ERC2: variants seen among roughly 807,000 people sequenced by gnomAD.
The protein encoded by ERC2 is ERC protein 2.
Under a neutral mutation model 114.8 loss-of-function variants are expected in ERC2, and 42 were observed. The observed-to-expected ratio is 0.37, with a 90% CI of 0.29 to 0.47. The LOEUF is 0.47. ERC2 is among the 20% of genes least tolerant of loss of function. ERC2 has a pLI of 0.99. For missense variants in ERC2, 939 were observed against 1,150.7 expected, an observed-to-expected ratio of 0.82 and a Z score of 2.66; for synonymous variants, 454 against 425.5, an observed-to-expected ratio of 1.07 and a Z score of -0.82.
intron 3 of ERC2, among the ~76,000 whole-genome samples, chr3:56,223,097 C>T (rs2150154726): frequency 6.6e-6 from 1 of 152,344 alleles, no homozygotes; most frequent in South Asian, 2.1e-4. Context: ...AACCACTTCC[C>T]TCCCAAAAAC....
At chr3:55,868,906 C>A (rs775812982) in intron 14 of ERC2, among the ~76,000 whole-genome samples, 25 of 152,272 alleles carry the variant, frequency 1.6e-4, no homozygotes, top group Admixed American at 8.5e-4. Flanking sequence ...AAGCTTAACT[C>A]CAAGCTGGAG....
At chr3:55,552,135 G>A (rs951632239) in intron 17 of ERC2, among the ~76,000 whole-genome samples, 6 of 152,202 alleles carry the variant, frequency 3.9e-5, no homozygotes, top group African/African-American at 1.4e-4. Flanking sequence ...CAGAGAGGAG[G>A]CTTCCTGATG....
At chr3:55,513,447 A>G (rs2052247256) in intron 17 of ERC2, among the ~76,000 whole-genome samples, 1 of 151,996 alleles carries the variant, frequency 6.6e-6, no homozygotes, top group South Asian at 2.1e-4. Context: ...CCAGCTCTTT[A>G]TCTGATCGAT....
intron 17 of ERC2, among the ~76,000 whole-genome samples, chr3:55,542,025 A>T (rs1271294746): frequency 6.6e-6 from 1 of 152,194 alleles, no homozygotes; most frequent in Non-Finnish European, 1.5e-5. Context: ...CTTCATAGTA[A>T]TTCTGCAGAG....
intron 14 of ERC2, among the ~76,000 whole-genome samples, chr3:55,854,063 T>C (rs1202986786): frequency 6.6e-6 from 1 of 152,062 alleles, no homozygotes; most frequent in African/African-American, 2.4e-5. Context: ...TCACCTGAGG[T>C]AAGGAGTTTG....
intron 1 of ERC2, among the ~76,000 whole-genome samples, chr3:56,446,914 A>T (rs976689749): frequency 7.0e-4 from 106 of 152,084 alleles, no homozygotes; most frequent in Non-Finnish European, 2.5e-4. Context: ...GGCGTGAGCC[A>T]CCACACCCGG....
At chr3:56,297,523 A>T (rs1434949344) in intron 2 of ERC2, among the ~76,000 whole-genome samples, 2 of 152,224 alleles carry the variant, frequency 1.3e-5, no homozygotes, top group African/African-American at 4.8e-5. Context: ...AAGATAGTTG[A>T]TGAATTTGGC....
chr3:55,729,765 G>A (rs1397182031), intron 15 of ERC2, among the ~76,000 whole-genome samples: 2 of 139,758 alleles, frequency 1.4e-5, no homozygotes, highest in Non-Finnish European at 3.0e-5. Context: ...TAGAGCCCAG[G>A]AGTTGGAGCT....
intron 17 of ERC2, among the ~76,000 whole-genome samples, chr3:55,540,660 C>A (rs748522964): frequency 6.6e-6 from 1 of 152,182 alleles, no homozygotes; most frequent in Non-Finnish European, 1.5e-5. Context: ...CCAGCTTTAA[C>A]GTTCTTTATC....
At chr3:56,257,939 T>G (rs2052630445) in intron 3 of ERC2, among the ~76,000 whole-genome samples, 2 of 152,250 alleles carry the variant, frequency 1.3e-5, no homozygotes, top group African/African-American at 4.8e-5. Flanking sequence ...TTAGACATAT[T>G]CAGGGTGACC....
rs150928779 is a variant in ERC2 at position 56,114,194 on chromosome 3, T to G, written c.1473+25315A>C. On this transcript the variant is annotated intron_variant, in intron 6 of 17. Coordinates refer to ENST00000288221, the MANE Select transcript of ERC2 (RefSeq NM_015576.3). ...CATGCACGTTACATACATCCCATGT[T>G]CACTTTGGAGTGGAGACTTAACATT... Among the ~76,000 whole-genome samples the G allele has an allele frequency of 5.2e-3, 789 of 152,344 alleles. 13 individuals are homozygous for G. The highest frequency in any genetic ancestry group is 0.018 in the African/African-American group (749 of 41,568).
At chr3:56,018,840 C>A in intron 8 of ERC2, 54 bp downstream of exon 8, 19 of 1,580,912 alleles carry the variant, frequency 1.2e-5, no homozygotes, top group Non-Finnish European at 1.5e-5. Flanking sequence ...GATCAACTTT[C>A]CCCAACTCTG....
chr3:56,361,084 C>T (rs796321229), intron 2 of ERC2, among the ~76,000 whole-genome samples: 24 of 152,164 alleles, frequency 1.6e-4, no homozygotes, highest in African/African-American at 2.6e-4. Context: ...GAACTAGAAC[C>T]GGGCTGAAGA....
intron 14 of ERC2, among the ~76,000 whole-genome samples, chr3:55,781,074 G>A (rs915998169): frequency 6.6e-6 from 1 of 152,180 alleles, no homozygotes; most frequent in African/African-American, 2.4e-5. Flanking sequence ...CATGGCTGTT[G>A]TTTTGGGCTC....
chr3:56,040,693 TAGAG>T (rs1169694859), intron 7 of ERC2, among the ~76,000 whole-genome samples: 41 of 142,052 alleles, frequency 2.9e-4, no homozygotes, highest in African/African-American at 8.5e-4. Flanking sequence ...TATCTCTATA[TAGAG>T]AGAGATATAT....
At chr3:56,313,107 C>A (rs2056689161) in intron 2 of ERC2, among the ~76,000 whole-genome samples, 1 of 129,906 alleles carries the variant, frequency 7.7e-6, no homozygotes. Context: ...AAAATGTGTC[C>A]AGCATACCAT....
At chr3:56,055,093 C>T (rs1287322946) in intron 7 of ERC2, among the ~76,000 whole-genome samples, 1 of 152,204 alleles carries the variant, frequency 6.6e-6, no homozygotes, top group African/African-American at 2.4e-5. Context: ...ATCAAAGCCC[C>T]ACTAAACTTA....
At chr3:56,309,082 A>G (rs79774769) in intron 2 of ERC2, among the ~76,000 whole-genome samples, 6,016 of 152,302 alleles carry the variant, frequency 0.04, 134 homozygotes, top group South Asian at 0.094. Flanking sequence ...AGCTGAAAAC[A>G]TGTGGCCCCA....
rs377255588 is a variant in ERC2 at position 55,737,431 on chromosome 3, C to G, written c.2565-2513G>C. Reference sequence around the variant, plus strand: ...AGCCAGTGCATATTTATACAGAGGGCGAAGCTGAAGAGGCTATACAGACTT... The same window carrying G: ...AGCCAGTGCATATTTATACAGAGGGGGAAGCTGAAGAGGCTATACAGACTT... On this transcript the variant is annotated intron_variant, in intron 14 of 17. Transcript: ENST00000288221. Among the ~76,000 whole-genome samples the G allele has an allele frequency of 4.6e-5, 7 of 152,246 alleles. No individual in the cohort carries two copies. In the East Asian group the frequency reaches 1.2e-3, roughly 25 times the overall value.
Sources: allele counts gnomAD v4.1 joint callset (sites outside exome capture counted in the v4.1 genomes callset), GRCh38; gene constraint gnomAD v4.1.1; transcripts MANE v1.5; gene names NCBI Gene and HGNC (gene_info 2026-07-23, HGNC 2026-07-21).